ADGRL2: variants seen among roughly 807,000 people sequenced by gnomAD.
ADGRL2 encodes the protein adhesion G protein-coupled receptor L2.
A neutral mutation model predicts 157.4 loss-of-function variants in ADGRL2; 44 were observed. The ratio of observed to expected loss-of-function variants is 0.28; its 90% CI spans 0.22 to 0.36. The LOEUF is 0.36. Ranked by LOEUF, ADGRL2 falls within the 10% of genes least tolerant of loss-of-function variation. The pLI is 1.00. For synonymous variants in ADGRL2, 585 were observed against 624.7 expected (o/e 0.94, Z 0.95); for missense variants, 1,510 against 1,768.9 (o/e 0.85, Z 2.63).
chr1:81,593,272 C>T (rs1187832437), intron 3 of ADGRL2, among the ~76,000 whole-genome samples: 1 of 152,158 alleles, frequency 6.6e-6, no homozygotes, highest in South Asian at 2.1e-4. Context: ...TCACCTGGCG[C>T]TCACTATTAA....
rs1664919298 is a variant in ADGRL2 at position 81,993,208 on chromosome 1, G to C, written c.*2063G>C. On this transcript the variant is annotated 3_prime_UTR_variant, in exon 24 of 24. Transcript: ENST00000686636. ...CCTCCGCCTCCCAGGTTCTCAAACA[G>C]ATTTAACAATCCTCTGAGAATGGTA... Among the ~76,000 whole-genome samples, 1 of 141,332 alleles carries C rather than the reference G, an allele frequency of 7.1e-6. No individual in the cohort carries two copies. Among genetic ancestry groups the C allele is most frequent in the Non-Finnish European group, 1.5e-5 (1 of 66,344 alleles). The allele number at this position is 141,332 out of a possible 152,430, so 92.7% of individuals were successfully genotyped here. A position where few individuals can be genotyped will look rare whatever the true frequency, so the allele number is the denominator to read the frequency against.
At chr1:81,705,437 G>T (rs766416518) in intron 1 of ADGRL2, among the ~76,000 whole-genome samples, 1 of 151,916 alleles carries the variant, frequency 6.6e-6, no homozygotes, top group East Asian at 2.0e-4. Context: ...TAGTGGAGAC[G>T]GGGTTTCACC....
chr1:81,654,343 C>A (rs2082485403), intron 3 of ADGRL2, among the ~76,000 whole-genome samples: 1 of 152,130 alleles, frequency 6.6e-6, no homozygotes, highest in Admixed American at 6.5e-5. Flanking sequence ...TTGTTTGTTC[C>A]ACCTTCCATG....
chr1:81,594,311 TC>T (rs988105336), intron 3 of ADGRL2, among the ~76,000 whole-genome samples: 1 of 152,180 alleles, frequency 6.6e-6, no homozygotes, highest in African/African-American at 2.4e-5. Context: ...GATCATGGCC[TC>T]ATTATCTTTC....
intron 3 of ADGRL2, among the ~76,000 whole-genome samples, chr1:81,649,747 GT>G (rs2082376556): frequency 1.3e-5 from 2 of 152,154 alleles, no homozygotes; most frequent in South Asian, 4.1e-4. Flanking sequence ...GCTTGGAGGG[GT>G]TAAGTAATTT....
chr1:81,537,862 G>A (rs1051993172), intron 2 of ADGRL2, among the ~76,000 whole-genome samples: 17 of 151,818 alleles, frequency 1.1e-4, no homozygotes, highest in Non-Finnish European at 4.4e-5. Flanking sequence ...ACCACGCCCA[G>A]CTAATTTTTG....
At chr1:81,426,375 C>G (rs2077216444) in intron 1 of ADGRL2, 1 of 296,876 alleles carries the variant, frequency 3.4e-6, no homozygotes, top group Non-Finnish European at 6.5e-6. Flanking sequence ...CTTCTTGCTT[C>G]TATGGTTTTC....
chr1:81,451,962 T>G (rs2077711042), intron 2 of ADGRL2, among the ~76,000 whole-genome samples: 2 of 152,324 alleles, frequency 1.3e-5, no homozygotes, highest in South Asian at 4.1e-4. Flanking sequence ...TATAATGTAG[T>G]GTACAACTTC....
chr1:81,407,391 C>CT lies in ADGRL2; in HGVS notation c.-301-37644dup, dbSNP rs563499724. ...AGGTTAAAAAGATCCTGTTGGAACT[C>CT]TGAGACAGAGACCCAATTCCATCCT... On this transcript the variant is annotated intron_variant, in intron 1 of 24. Transcript: ENST00000370721. 3.3e-5 allele frequency among the ~76,000 whole-genome samples: 5 copies of CT among 152,310 alleles called. No individual in the cohort carries two copies. In the South Asian group the frequency reaches 1.0e-3, roughly 32 times the overall value.
intron 1 of ADGRL2, among the ~76,000 whole-genome samples, chr1:81,813,876 G>T (rs2090125495): frequency 6.6e-6 from 1 of 151,522 alleles, no homozygotes; most frequent in South Asian, 2.1e-4. Context: ...CAGGAAAATG[G>T]TTATGTGAGG....
intron 3 of ADGRL2, among the ~76,000 whole-genome samples, chr1:81,633,047 A>T (rs945894948): frequency 3.3e-5 from 5 of 152,336 alleles, no homozygotes; most frequent in Non-Finnish European, 7.3e-5. Flanking sequence ...GAGGAGGTTT[A>T]TCAGACCAGA....
chr1:81,962,664 T>G (rs1178617140), intron 11 of ADGRL2, among the ~76,000 whole-genome samples: 1 of 152,048 alleles, frequency 6.6e-6, no homozygotes, highest in Non-Finnish European at 1.5e-5. Context: ...TGAATCTACC[T>G]GAAATTTATT....
chr1:81,465,649 G>A (rs577064308), intron 2 of ADGRL2, among the ~76,000 whole-genome samples: 9 of 152,136 alleles, frequency 5.9e-5, no homozygotes, highest in East Asian at 1.9e-4. Context: ...CTAGTTTTAC[G>A]TCCCTATGAT....
intron 1 of ADGRL2, among the ~76,000 whole-genome samples, chr1:81,311,538 C>A (rs1659757481): frequency 6.6e-6 from 1 of 152,214 alleles, no homozygotes; most frequent in Admixed American, 6.5e-5. Context: ...AAAGCCTACT[C>A]TTGATTAATA....
At chr1:81,848,025 T>C (rs894514961) in intron 2 of ADGRL2, among the ~76,000 whole-genome samples, 1 of 151,828 alleles carries the variant, frequency 6.6e-6, no homozygotes, top group Non-Finnish European at 1.5e-5. Context: ...TTATCTGCCT[T>C]AGGTTATCTA....
At chr1:81,728,156 T>G (rs2149163807) in intron 1 of ADGRL2, among the ~76,000 whole-genome samples, 1 of 152,322 alleles carries the variant, frequency 6.6e-6, no homozygotes, top group Admixed American at 6.5e-5. Flanking sequence ...TTATGGCTTT[T>G]GTTCTAACTT....
rs375819137 is a variant in ADGRL2 at position 81,472,375 on chromosome 1, T to G, written c.-248+27286T>G. Among the ~76,000 whole-genome samples, 13 of 152,300 alleles carry G rather than the reference T, an allele frequency of 8.5e-5. No homozygotes were observed. The East Asian group carries it at 2.5e-3, about 29-fold the overall frequency. On this transcript the variant is annotated intron_variant, in intron 2 of 24. Transcript: ENST00000370721. Reference sequence around the variant, plus strand: ...GCACCATGGCTCACACCTGTAATCCTAGCACTTTGCGAGGCCGAGGGCCGA... The same window carrying G: ...GCACCATGGCTCACACCTGTAATCCGAGCACTTTGCGAGGCCGAGGGCCGA...
At chr1:81,551,494 A>G (rs1372580776) in intron 2 of ADGRL2, among the ~76,000 whole-genome samples, 1 of 152,238 alleles carries the variant, frequency 6.6e-6, no homozygotes, top group African/African-American at 2.4e-5. Flanking sequence ...ATGTTGCCTT[A>G]GGAATAGCTC....
chr1:81,784,095 C>T (rs1238502281), intron 2 of ADGRL2, among the ~76,000 whole-genome samples: 3 of 152,038 alleles, frequency 2.0e-5, no homozygotes, highest in African/African-American at 7.2e-5. Context: ...AAATTCTAAG[C>T]TTTTAAGTTA....
Sources: gnomAD v4.1 joint callset for allele counts (sites outside exome capture counted in the v4.1 genomes callset) on GRCh38, gnomAD v4.1.1 for gene constraint, MANE v1.5 for transcripts, NCBI Gene and HGNC (gene_info 2026-07-23, HGNC 2026-07-21) for gene names.